Variants in SUGCT observed in about 807,000 individuals in gnomAD.
SUGCT encodes the protein succinyl-CoA:glutarate-CoA transferase.
In SUGCT, 41 loss-of-function variants were observed where a neutral mutation model predicts 55.0. The observed-to-expected ratio is 0.74, with a 90% CI of 0.58 to 0.97. The LOEUF is 0.97. Ranked by LOEUF, SUGCT falls within the 50% of genes least tolerant of loss-of-function variation. SUGCT has a pLI of 0.00. For missense variants in SUGCT, 568 were observed against 547.8 expected, an observed-to-expected ratio of 1.04 and a Z score of -0.37; for synonymous variants, 187 against 200.4, an observed-to-expected ratio of 0.93 and a Z score of 0.56.
intron 13 of SUGCT, among the ~76,000 whole-genome samples, chr7:40,825,413 G>C (rs764295166): frequency 6.6e-6 from 1 of 152,096 alleles, no homozygotes; most frequent in Non-Finnish European, 1.5e-5. Flanking sequence ...AGGAGAGTTT[G>C]AATATTTGTG....
chr7:40,162,394 T>G (rs551777025), intron 1 of SUGCT, among the ~76,000 whole-genome samples: 1 of 152,314 alleles, frequency 6.6e-6, no homozygotes, highest in Admixed American at 6.5e-5. Context: ...ACTTACAGGT[T>G]GATCAATTGT....
At chr7:40,361,270 G>C (rs1798139396) in intron 9 of SUGCT, among the ~76,000 whole-genome samples, 1 of 152,028 alleles carries the variant, frequency 6.6e-6, no homozygotes, top group South Asian at 2.1e-4. Context: ...AGGCAGCTCA[G>C]CCCTCAAAAA....
intron 13 of SUGCT, among the ~76,000 whole-genome samples, chr7:40,777,019 A>T (rs945720700): frequency 6.6e-6 from 1 of 152,180 alleles, no homozygotes; most frequent in African/African-American, 2.4e-5. Flanking sequence ...GCATGAGAAG[A>T]TGCTGACAAT....
chr7:40,765,263 G>C (rs1484082232), intron 13 of SUGCT, among the ~76,000 whole-genome samples: 1 of 151,992 alleles, frequency 6.6e-6, no homozygotes, highest in Non-Finnish European at 1.5e-5. Context: ...GATTAGAACT[G>C]TGGACTCTCC....
intron 6 of SUGCT, among the ~76,000 whole-genome samples, chr7:40,229,213 A>G (rs1037009390): frequency 6.6e-6 from 1 of 152,168 alleles, no homozygotes; most frequent in African/African-American, 2.4e-5. Context: ...ATGGATAAGA[A>G]AATAAATATT....
intron 6 of SUGCT, among the ~76,000 whole-genome samples, chr7:40,197,254 C>T (rs1786342739): frequency 6.6e-6 from 1 of 151,964 alleles, no homozygotes; most frequent in Admixed American, 6.6e-5. Context: ...TTTCATTTTT[C>T]TGTCTAAACA....
chr7:40,758,458 G>A (rs1788366508), intron 13 of SUGCT, among the ~76,000 whole-genome samples: 1 of 152,018 alleles, frequency 6.6e-6, no homozygotes, highest in South Asian at 2.1e-4. Flanking sequence ...AGATGTTGGT[G>A]GAGATAAAGA....
chr7:40,423,095 A>G (rs1787399211), intron 9 of SUGCT, among the ~76,000 whole-genome samples: 1 of 152,154 alleles, frequency 6.6e-6, no homozygotes, highest in African/African-American at 2.4e-5. Flanking sequence ...TGCCTGGGTG[A>G]CAGAAACTAT....
At chr7:40,641,092 C>CTTA in intron 12 of SUGCT, among the ~76,000 whole-genome samples, 1 of 152,162 alleles carries the variant, frequency 6.6e-6, no homozygotes, top group African/African-American at 2.4e-5. Context: ...ACCTTAAAGT[C>CTTA]ACAAGTGGGC....
chr7:40,898,480 CGGGGGGGGGGG>C, the SUGCT span, among the ~76,000 whole-genome samples: 8 of 5,722 alleles, frequency 1.4e-3, 2 homozygotes, highest in African/African-American at 3.0e-3. Flanking sequence ...TCCGGGAGGT[CGGGGGGGGGGG>C]GGGGGGTGGA....
chr7:40,775,426 A>G (rs17530165), intron 13 of SUGCT: 47,006 of 152,164 alleles, frequency 0.31, 7,935 homozygotes, highest in South Asian at 0.47. Flanking sequence ...TCAGTTAACA[A>G]TGCTAAGAGG....
intron 9 of SUGCT, among the ~76,000 whole-genome samples, chr7:40,330,103 A>T (rs1796230161): frequency 1.3e-5 from 2 of 152,222 alleles, no homozygotes; most frequent in African/African-American, 2.4e-5. Context: ...CAGAATAAAC[A>T]TACAGATTTG....
chr7:40,655,414 TA>T (rs1210810822), intron 12 of SUGCT, among the ~76,000 whole-genome samples: 1 of 152,254 alleles, frequency 6.6e-6, no homozygotes, highest in Non-Finnish European at 1.5e-5. Flanking sequence ...GAAAAGGTTA[TA>T]ACCTGCTCCT....
chr7:40,874,092 T>C, the SUGCT span, among the ~76,000 whole-genome samples: 1 of 152,170 alleles, frequency 6.6e-6, no homozygotes, highest in Non-Finnish European at 1.5e-5. Context: ...AAAGGAGCCA[T>C]GTGGGTAGTG....
intron 12 of SUGCT, among the ~76,000 whole-genome samples, chr7:40,537,548 A>G (rs975984978): frequency 3.9e-5 from 6 of 152,232 alleles, no homozygotes; most frequent in Admixed American, 3.3e-4. Context: ...TTAAATGCAG[A>G]TGTAGGCAAA....
At chr7:40,223,096 C>T (rs1584384970) in intron 6 of SUGCT, among the ~76,000 whole-genome samples, 1 of 150,868 alleles carries the variant, frequency 6.6e-6, no homozygotes, top group Non-Finnish European at 1.5e-5. Flanking sequence ...AGTCTTTCTC[C>T]GTTGCACAGG....
chr7:41,019,389 C>T, the SUGCT span, among the ~76,000 whole-genome samples: 2 of 152,104 alleles, frequency 1.3e-5, no homozygotes, highest in African/African-American at 4.8e-5. Flanking sequence ...CTCTCCTGAC[C>T]CTGATCCTTG....
At chr7:40,988,303 G>A in the SUGCT span, among the ~76,000 whole-genome samples, 3 of 150,248 alleles carry the variant, frequency 2.0e-5, no homozygotes, top group East Asian at 5.8e-4. Flanking sequence ...ACAGGAATTG[G>A]TGGGTGGAGA....
At chr7:40,374,823 G>A (rs1784466226) in intron 9 of SUGCT, among the ~76,000 whole-genome samples, 1 of 152,096 alleles carries the variant, frequency 6.6e-6, no homozygotes, top group Admixed American at 6.6e-5. Context: ...GACATATGTG[G>A]GCGTGAGTGC....
Sources: allele counts gnomAD v4.1 joint callset (sites outside exome capture counted in the v4.1 genomes callset), GRCh38; gene constraint gnomAD v4.1.1; transcripts MANE v1.5; gene names NCBI Gene and HGNC (gene_info 2026-07-23, HGNC 2026-07-21).